The following IL7 variants were observed in gnomAD, a reference collection of about 807,000 sequenced individuals.
IL7 encodes the protein interleukin-7.
In IL7, 3 loss-of-function variants were observed where a neutral mutation model predicts 21.6. The ratio of observed to expected loss-of-function variants is 0.14; its 90% CI spans 0.06 to 0.36. The LOEUF (loss-of-function observed/expected upper bound fraction) is 0.36, where lower values mean the gene tolerates loss of function less well. IL7 is among the 10% of genes least tolerant of loss of function. The pLI, the probability that IL7 is intolerant of heterozygous loss-of-function variation, is 1.00. For synonymous variants in IL7, 62 were observed against 68.1 expected (o/e 0.91, Z 0.44); for missense variants, 175 against 200.2 (o/e 0.87, Z 0.76).
chr8:78,800,156 T>TA (rs1814004331), intron 1 of IL7, among the ~76,000 whole-genome samples: 2 of 152,220 alleles, frequency 1.3e-5, no homozygotes, highest in African/African-American at 4.8e-5. Context: ...CTCCCAGTTA[T>TA]AAGTAAAAAC....
At position 78,799,155 on chromosome 8, in the gene IL7, T is replaced by C. The variant is rs542518913; in HGVS notation, c.11-947A>G. 2.6e-5 allele frequency among the ~76,000 whole-genome samples: 4 copies of C among 152,302 alleles called. No homozygotes were observed. In the South Asian group the frequency reaches 8.3e-4, roughly 32 times the overall value. ...TGAGGCATGTTGACAATGTATTTCC[T>C]GTGAATTTCCCAAATGAACTTCAAT... On this transcript the variant is annotated intron_variant, in intron 1 of 5. Coordinates refer to ENST00000263851, the MANE Select transcript of IL7 (RefSeq NM_000880.4).
At chr8:78,755,690 G>A (rs1812323205) in intron 2 of IL7, among the ~76,000 whole-genome samples, 2 of 151,888 alleles carry the variant, frequency 1.3e-5, no homozygotes, top group Admixed American at 1.3e-4. Flanking sequence ...TTTGTATCTG[G>A]CAACTTTACT....
At chr8:78,795,189 C>A (rs902709073) in intron 2 of IL7, among the ~76,000 whole-genome samples, 1 of 152,090 alleles carries the variant, frequency 6.6e-6, no homozygotes, top group African/African-American at 2.4e-5. Context: ...ACAAGCACTT[C>A]ATAACTATTA....
intron 2 of IL7, among the ~76,000 whole-genome samples, chr8:78,779,041 C>T (rs1016524732): frequency 1.4e-4 from 21 of 151,876 alleles, no homozygotes; most frequent in African/African-American, 3.1e-4. Flanking sequence ...TTTGCTTTCT[C>T]CTTGTGTATT....
chr8:78,748,222 T>C (rs1161057835), intron 2 of IL7, among the ~76,000 whole-genome samples: 1 of 152,200 alleles, frequency 6.6e-6, no homozygotes, highest in East Asian at 1.9e-4. Flanking sequence ...GAACAGTTTT[T>C]CTAGTTTACT....
intron 5 of IL7, 141 bp from the exon 6 acceptor site, chr8:78,733,973 G>A (rs1307111602): frequency 1.6e-5 from 9 of 575,572 alleles, no homozygotes; most frequent in South Asian, 1.1e-4. Context: ...TTTTAAAGAC[G>A]ATGATTTCTA....
chr8:78,726,291 A>G lies in IL7; in HGVS notation n.268-4851T>C, dbSNP rs79099238. Among the ~76,000 whole-genome samples, 1,328 of 152,098 alleles carry G rather than the reference A, an allele frequency of 8.7e-3. 17 individuals are homozygous for G. The highest frequency in any genetic ancestry group is 0.031 in the African/African-American group (1,272 of 41,516). On this transcript the variant is annotated intron_variant and non_coding_transcript_variant, in intron 3 of 6. Coordinates refer to the IL7 transcript ENST00000519833. ...TCTGTTAGGGTATTCAATGTGATTG[A>G]TATGTGCAAATGTACAAGAGAGGAA...
At chr8:78,759,564 G>A (rs1188056004) in intron 2 of IL7, among the ~76,000 whole-genome samples, 2 of 152,150 alleles carry the variant, frequency 1.3e-5, no homozygotes, top group Non-Finnish European at 2.9e-5. Flanking sequence ...ATGAGATGTG[G>A]AACAACAGCA....
intron 2 of IL7, among the ~76,000 whole-genome samples, chr8:78,780,766 G>A (rs1813302092): frequency 6.6e-6 from 1 of 152,168 alleles, no homozygotes; most frequent in Non-Finnish European, 1.5e-5. Context: ...CCAGAGCTGA[G>A]TTCAATTCCT....
chr8:78,751,058 A>G (rs1812152738), intron 2 of IL7, among the ~76,000 whole-genome samples: 1 of 151,664 alleles, frequency 6.6e-6, no homozygotes, highest in Non-Finnish European at 1.5e-5. Context: ...ATGATAGGAC[A>G]ACAGAAACTT....
At chr8:78,782,828 C>G (rs953250871) in intron 2 of IL7, among the ~76,000 whole-genome samples, 1 of 152,060 alleles carries the variant, frequency 6.6e-6, no homozygotes, top group Non-Finnish European at 1.5e-5. Context: ...CGCTCCTCCC[C>G]CCAGAAGCTC....
chr8:78,715,466 T>C, downstream of IL7: 1 of 723,340 alleles, frequency 1.4e-6, no homozygotes, highest in South Asian at 2.2e-5. Context: ...TTTTAAGTTG[T>C]ACACCTCTAA....
chr8:78,780,562 G>C (rs1045933905), intron 2 of IL7, among the ~76,000 whole-genome samples: 2 of 152,078 alleles, frequency 1.3e-5, no homozygotes, highest in Admixed American at 6.6e-5. Flanking sequence ...CCTTAAAATT[G>C]AGTTCTAATT....
At chr8:78,680,169 A>G (rs1287971812) in intron 4 of IL7, among the ~76,000 whole-genome samples, 1 of 151,992 alleles carries the variant, frequency 6.6e-6, no homozygotes, top group African/African-American at 2.4e-5. Flanking sequence ...TTCAATGAAT[A>G]TTAGTCATCC....
intron 3 of IL7, among the ~76,000 whole-genome samples, chr8:78,689,535 T>C (rs1196293863): frequency 6.6e-6 from 1 of 152,098 alleles, no homozygotes; most frequent in Admixed American, 6.6e-5. Flanking sequence ...TTAGCTCTTA[T>C]ATCTGTAAAT....
intron 2 of IL7, chr8:78,760,083 C>T: frequency 6.9e-7 from 1 of 1,454,850 alleles, no homozygotes; most frequent in Non-Finnish European, 9.1e-7. Context: ...GGCCTACATA[C>T]ACCTTACGGC....
downstream of IL7, among the ~76,000 whole-genome samples, chr8:78,715,674 A>T (rs1476452143): frequency 6.6e-6 from 1 of 152,176 alleles, no homozygotes; most frequent in African/African-American, 2.4e-5. Context: ...ATGTACTAGC[A>T]AAATAGCAAA....
At position 78,784,949 on chromosome 8, in the gene IL7, C is replaced by T. The variant is rs183642796; in HGVS notation, c.147+13123G>A. Among the ~76,000 whole-genome samples, 123 of 152,104 alleles carry T rather than the reference C, an allele frequency of 8.1e-4. 2 individuals carry two copies. The East Asian group carries it at 0.023, about 29-fold the overall frequency. The stretch of plus-strand genomic sequence containing the variant: ...ACATACATAAATTTCTGCCTGTGCA[C>T]TTTATATTTGAACAACATCTTGTCT... On this transcript the variant is annotated intron_variant, in intron 2 of 5. Transcript: ENST00000263851.
At chr8:78,801,817 C>T (rs1176136311) in intron 1 of IL7, among the ~76,000 whole-genome samples, 3 of 152,164 alleles carry the variant, frequency 2.0e-5, no homozygotes, top group Non-Finnish European at 2.9e-5. Flanking sequence ...GCCTTGGACC[C>T]ACATCTCATA....
Sources: allele counts gnomAD v4.1 joint callset (sites outside exome capture counted in the v4.1 genomes callset), GRCh38; gene constraint gnomAD v4.1.1; transcripts MANE v1.5; gene names NCBI Gene and HGNC (gene_info 2026-07-23, HGNC 2026-07-21).